KIAA1217: variants seen among roughly 807,000 people sequenced by gnomAD.
The protein encoded by KIAA1217 is KIAA1217.
A neutral mutation model predicts 163.9 loss-of-function variants in KIAA1217; 88 were observed. That is an observed-to-expected ratio of 0.54 (90% CI 0.45 to 0.64). The LOEUF is 0.64. Among genes scored for constraint, KIAA1217 ranks in the 30% least tolerant of loss-of-function variants. KIAA1217 has a pLI of 0.00. For synonymous variants in KIAA1217, 903 were observed against 923.1 expected, an observed-to-expected ratio of 0.98 and a Z score of 0.39; for missense variants, 2,372 against 2,475.0, an observed-to-expected ratio of 0.96 and a Z score of 0.88.
intron 14 of KIAA1217, among the ~76,000 whole-genome samples, chr10:24,530,629 G>A (rs904812366): frequency 6.6e-6 from 1 of 152,178 alleles, no homozygotes; most frequent in East Asian, 1.9e-4. Context: ...TGGCGTGGTG[G>A]CTCATGCCTA....
chr10:24,311,921 T>A (rs553013432), intron 2 of KIAA1217, among the ~76,000 whole-genome samples: 10 of 152,256 alleles, frequency 6.6e-5, no homozygotes, highest in Admixed American at 6.5e-4. Context: ...AGCTGGCTTT[T>A]TTGTAAGACT....
chr10:24,046,464 T>C (rs973374412), intron 2 of KIAA1217, among the ~76,000 whole-genome samples: 3 of 152,198 alleles, frequency 2.0e-5, no homozygotes, highest in Admixed American at 2.0e-4. Context: ...AGAGATTTAA[T>C]TGACTCAGTT....
At chr10:24,021,016 C>T (rs1279886690) in intron 2 of KIAA1217, among the ~76,000 whole-genome samples, 4 of 151,946 alleles carry the variant, frequency 2.6e-5, no homozygotes, top group African/African-American at 7.2e-5. Flanking sequence ...TTTACAGAGT[C>T]AGCCAGGATG....
At chr10:24,094,165 T>C (rs1197947629) in intron 2 of KIAA1217, among the ~76,000 whole-genome samples, 3 of 152,094 alleles carry the variant, frequency 2.0e-5, no homozygotes, top group Admixed American at 1.3e-4. Flanking sequence ...GGTATATACC[T>C]AGTAATGGGA....
At chr10:24,520,681 C>CAAA (rs1232348396) in intron 11 of KIAA1217, among the ~76,000 whole-genome samples, 1 of 96,842 alleles carries the variant, frequency 1.0e-5, no homozygotes, top group East Asian at 4.3e-4. Flanking sequence ...TATATACACA[C>CAAA]ACACACAAAA....
At chr10:24,261,178 G>T (rs2075687193) in intron 2 of KIAA1217, among the ~76,000 whole-genome samples, 1 of 151,560 alleles carries the variant, frequency 6.6e-6, no homozygotes, top group South Asian at 2.1e-4. Flanking sequence ...GTGGAATTTG[G>T]CCCCTACCTT....
intron 1 of KIAA1217, among the ~76,000 whole-genome samples, chr10:23,944,698 A>G (rs1018324499): frequency 6.6e-6 from 1 of 152,226 alleles, no homozygotes; most frequent in African/African-American, 2.4e-5. Context: ...TGAGAATATT[A>G]AGAAACTGGA....
At chr10:24,402,758 A>G (rs1177127354) in intron 3 of KIAA1217, among the ~76,000 whole-genome samples, 3 of 152,192 alleles carry the variant, frequency 2.0e-5, no homozygotes, top group African/African-American at 7.2e-5. Context: ...AGTTCTTTAT[A>G]TATTCTAGAT....
At chr10:23,826,505 C>T (rs879170513) in intron 1 of KIAA1217, among the ~76,000 whole-genome samples, 2 of 152,164 alleles carry the variant, frequency 1.3e-5, no homozygotes, top group Non-Finnish European at 2.9e-5. Context: ...AAGAAAACAG[C>T]CTTGACTGGT....
At chr10:24,484,250 T>A (rs1317108141) in intron 6 of KIAA1217, among the ~76,000 whole-genome samples, 27 of 117,264 alleles carry the variant, frequency 2.3e-4, no homozygotes, top group African/African-American at 8.3e-4. Flanking sequence ...TATTTTTTTT[T>A]TTTTTTTTTT....
intron 8 of KIAA1217, among the ~76,000 whole-genome samples, chr10:24,500,381 T>C (rs1021921285): frequency 1.5e-5 from 2 of 136,634 alleles, no homozygotes; most frequent in Admixed American, 1.5e-4. Flanking sequence ...CAGCCTCTAC[T>C]CCAGAAGAGT....
At chr10:24,107,714 C>A (rs2062686273) in intron 2 of KIAA1217, among the ~76,000 whole-genome samples, 1 of 152,116 alleles carries the variant, frequency 6.6e-6, no homozygotes. Context: ...CTAAAATTAT[C>A]CATCTTGGAA....
intron 1 of KIAA1217, among the ~76,000 whole-genome samples, chr10:23,845,448 A>G (rs751072452): frequency 1.3e-5 from 2 of 152,210 alleles, no homozygotes; most frequent in African/African-American, 4.8e-5. Context: ...ATGAGATGGT[A>G]TCTCATTGTG....
intron 2 of KIAA1217, among the ~76,000 whole-genome samples, chr10:24,137,384 G>GCTGCAAAT (rs2063874876): frequency 6.6e-6 from 1 of 152,174 alleles, no homozygotes; most frequent in Non-Finnish European, 1.5e-5. Context: ...GCATCCCTAG[G>GCTGCAAAT]CCCCCAGGAG....
Position 24,543,599 on chromosome 10 carries a change from G to A in KIAA1217, c.4329G>A (p.Val1443=). 6.2e-7 allele frequency: 1 copy of A among 1,614,122 alleles called. No homozygotes were observed. Among genetic ancestry groups the A allele is most frequent in the Non-Finnish European group, 8.5e-7 (1 of 1,180,036 alleles). ...DPVVCLDKKP[V]IIIFDEPMDI... Reference sequence around the variant, plus strand: ...TCGTGTGCCTGGACAAGAAACCAGTGATCATCATTTTCGATGAGCCCATGG... The same window carrying A: ...TCGTGTGCCTGGACAAGAAACCAGTAATCATCATTTTCGATGAGCCCATGG... The change falls in exon 19 of 21, where the codon GTG becomes GTA. Residue 1443 remains valine (V), a synonymous_variant. Transcript: ENST00000376454.
intron 2 of KIAA1217, among the ~76,000 whole-genome samples, chr10:24,251,305 T>C (rs1472002717): frequency 6.8e-6 from 1 of 147,904 alleles, no homozygotes; most frequent in East Asian, 2.0e-4. Context: ...GAAGTTAAGA[T>C]GGGAGGATCC....
At chr10:23,836,931 AAGGG>A (rs146417780) in intron 1 of KIAA1217, among the ~76,000 whole-genome samples, 24,178 of 132,412 alleles carry the variant, frequency 0.18, 2,285 homozygotes, top group African/African-American at 0.21. Flanking sequence ...GGAAGGAAGG[AAGGG>A]AGGGAGGGAG....
At chr10:24,313,817 T>C (rs2043011081) in intron 2 of KIAA1217, among the ~76,000 whole-genome samples, 1 of 151,124 alleles carries the variant, frequency 6.6e-6, no homozygotes, top group African/African-American at 2.4e-5. Context: ...TAAGACTGCA[T>C]GGTTTTGGTG....
Position 24,384,455 on chromosome 10 carries a change from G to A in KIAA1217, c.553+3388G>A, listed in dbSNP as rs574687898. On this transcript the variant is annotated intron_variant, in intron 3 of 20. Transcript: ENST00000376454. ...TTGTTACGATCAATGAAATGAGACC[G>A]ACACATTGATATCACCCAGAGTCCA... Among the ~76,000 whole-genome samples, 3 of 152,168 alleles carry A rather than the reference G, an allele frequency of 2.0e-5. No homozygotes were observed. In the East Asian group the frequency reaches 5.8e-4, roughly 29 times the overall value.
Sources: allele counts gnomAD v4.1 joint callset (sites outside exome capture counted in the v4.1 genomes callset), GRCh38; gene constraint gnomAD v4.1.1; transcripts MANE v1.5; gene names NCBI Gene and HGNC (gene_info 2026-07-23, HGNC 2026-07-21).